The following DECR1 variants were observed in gnomAD, a reference collection of about 807,000 sequenced individuals.
The protein encoded by DECR1 is 2,4-dienoyl-CoA reductase [(3E)-enoyl-CoA-producing], mitochondrial.
In DECR1, 44 loss-of-function variants were observed where a neutral mutation model predicts 38.8. The ratio of observed to expected loss-of-function variants is 1.13; its 90% CI spans 0.89 to 1.46. The LOEUF is 1.46. Among genes scored for constraint, DECR1 ranks in the 40% most tolerant of loss-of-function variants. The pLI, the probability that DECR1 is intolerant of heterozygous loss-of-function variation, is 0.00. For synonymous variants in DECR1, 148 were observed against 135.2 expected, an observed-to-expected ratio of 1.09 and a Z score of -0.66; for missense variants, 428 against 405.5, an observed-to-expected ratio of 1.06 and a Z score of -0.48.
At chr8:90,043,032 G>A (rs983930406) in intron 7 of DECR1, among the ~76,000 whole-genome samples, 7 of 152,014 alleles carry the variant, frequency 4.6e-5, no homozygotes, top group Non-Finnish European at 7.4e-5. Flanking sequence ...TGTCTTAATC[G>A]TTTGGGATCT....
In DECR1 at chr8:90,017,325, C is replaced by T. The variant is rs368779502; in HGVS notation, c.271C>T (p.Arg91Trp). 9 of 1,613,172 alleles carry T rather than the reference C, an allele frequency of 5.6e-6. No homozygotes were observed. Among genetic ancestry groups the T allele is most frequent in the East Asian group, 2.2e-5 (1 of 44,876 alleles). The change falls in exon 2 of 10, where the codon CGG becomes TGG. Residue 91 changes from arginine (R) to tryptophan (W), a missense_variant and splice_region_variant. Coordinates refer to ENST00000220764, the MANE Select transcript of DECR1 (RefSeq NM_001359.2). ...AGGTGCTCAGTGCGTGATAGCCAGC[C>T]GGTAAGTCCCTTACATCAAGCCTAT... is the stretch of plus-strand genomic sequence containing the variant. ...SLGAQCVIAS[R>W]KMDVLKATAE...
At chr8:90,046,449 G>A (rs1042698095) in intron 8 of DECR1, among the ~76,000 whole-genome samples, 2 of 152,186 alleles carry the variant, frequency 1.3e-5, no homozygotes, top group African/African-American at 4.8e-5. Flanking sequence ...AGTGATTGAA[G>A]ATCAAATGAA....
At chr8:90,035,148 C>G (rs1416946109) in intron 5 of DECR1, among the ~76,000 whole-genome samples, 1 of 152,024 alleles carries the variant, frequency 6.6e-6, no homozygotes, top group Non-Finnish European at 1.5e-5. Context: ...AATTAGGATT[C>G]TATATATCAT....
chr8:90,014,024 G>A (rs1184845375), intron 1 of DECR1, among the ~76,000 whole-genome samples: 2 of 152,062 alleles, frequency 1.3e-5, no homozygotes, highest in African/African-American at 2.4e-5. Flanking sequence ...TTTTGAGGGA[G>A]AGATTTAGAG....
At chr8:90,045,167 A>T in intron 8 of DECR1, 172 bp downstream of exon 8, 1 of 454,202 alleles carries the variant, frequency 2.2e-6, no homozygotes, top group South Asian at 3.1e-5. Context: ...ACATTTATTC[A>T]GTGATGTATT....
intron 5 of DECR1, among the ~76,000 whole-genome samples, chr8:90,035,582 T>G (rs531718180): frequency 6.6e-6 from 1 of 152,238 alleles, no homozygotes; most frequent in South Asian, 2.1e-4. Context: ...AGTGAAATCT[T>G]TTAAAATATT....
intron 5 of DECR1, among the ~76,000 whole-genome samples, chr8:90,031,428 G>T (rs1313424805): frequency 6.6e-6 from 1 of 152,144 alleles, no homozygotes; most frequent in Non-Finnish European, 1.5e-5. Context: ...AGAAAAACCA[G>T]AGCCCTGATA....
intron 1 of DECR1, chr8:90,006,243 G>GA (rs760534450): frequency 1.6e-5 from 11 of 704,024 alleles, no homozygotes; most frequent in Non-Finnish European, 2.9e-5. Flanking sequence ...GAGATGTCAG[G>GA]ACTGGGGAAG....
chr8:90,051,022 C>G (rs11778638), intron 8 of DECR1, among the ~76,000 whole-genome samples: 43,734 of 151,720 alleles, frequency 0.29, 6,361 homozygotes, highest in East Asian at 0.39. Context: ...GGGGGCCCGT[C>G]GTGGGGTGGG....
At chr8:90,018,133 C>A (rs112158972) in intron 2 of DECR1, among the ~76,000 whole-genome samples, 1 of 152,242 alleles carries the variant, frequency 6.6e-6, no homozygotes, top group African/African-American at 2.4e-5. Context: ...GGTGATCCAC[C>A]CGCCTTGGCC....
At chr8:90,011,463 A>G (rs747928316) in intron 1 of DECR1, among the ~76,000 whole-genome samples, 2 of 152,126 alleles carry the variant, frequency 1.3e-5, no homozygotes, top group Non-Finnish European at 2.9e-5. Flanking sequence ...CAATTTTAGG[A>G]TAAGCTTGTC....
rs1813630152 is a variant in DECR1, at chr8:90,036,896, A to G, written c.621A>G (p.Val207=). Residue 207 remains valine (V), a synonymous_variant, in exon 6 of 10, where the codon GTA becomes GTG. Transcript: ENST00000220764. The part of the protein sequence containing the change: ...TIYAETGSGF[V]VPSASAKAGV... ...ATGCTGAGACTGGTTCAGGTTTTGT[A>G]GTACCAAGTGCTTCTGCCAAAGCAG... The G allele has an allele frequency of 6.2e-7, 1 of 1,613,400 alleles. No homozygotes were observed. The highest frequency in any genetic ancestry group is 1.7e-5 in the Admixed American group (1 of 59,882).
At chr8:90,015,525 C>T in intron 1 of DECR1, 32 of 370,224 alleles carry the variant, frequency 8.6e-5, no homozygotes, top group East Asian at 1.6e-4. Context: ...TAAACATTTT[C>T]TTGTGCAATT....
intron 5 of DECR1, among the ~76,000 whole-genome samples, chr8:90,023,749 G>C (rs1813225253): frequency 6.6e-6 from 1 of 151,878 alleles, no homozygotes; most frequent in South Asian, 2.1e-4. Flanking sequence ...TTAAGTTCTA[G>C]GGTACATGTG....
At chr8:90,015,619 C>T (rs918274487) in intron 1 of DECR1, 11 of 456,552 alleles carry the variant, frequency 2.4e-5, no homozygotes, top group Non-Finnish European at 4.9e-5. Flanking sequence ...TATCCTGAAC[C>T]AACTGATGAC....
At chr8:90,010,708 A>G (rs533883922) in intron 1 of DECR1, among the ~76,000 whole-genome samples, 17 of 152,298 alleles carry the variant, frequency 1.1e-4, no homozygotes, top group Admixed American at 4.6e-4. Context: ...TATTGATTCA[A>G]CCTGAACCAA....
chr8:90,024,071 T>C (rs865832066), intron 5 of DECR1, among the ~76,000 whole-genome samples: 2 of 152,242 alleles, frequency 1.3e-5, no homozygotes, highest in Non-Finnish European at 1.5e-5. Flanking sequence ...GGCTGCATAG[T>C]ATTCCATGGT....
chr8:90,036,219 C>A (rs753512756), intron 5 of DECR1, among the ~76,000 whole-genome samples: 1 of 152,104 alleles, frequency 6.6e-6, no homozygotes, highest in African/African-American at 2.4e-5. Flanking sequence ...CTCCCCAAAC[C>A]GATCTCTATC....
At chr8:90,042,543 GAGAAA>G (rs1813787440) in intron 6 of DECR1, 180 bp from the exon 7 acceptor site, 2 of 594,758 alleles carry the variant, frequency 3.4e-6, no homozygotes, top group South Asian at 4.0e-5. Flanking sequence ...ATATGACATA[GAGAAA>G]ATGATTTAAC....
Sources: gnomAD v4.1 joint callset for allele counts (sites outside exome capture counted in the v4.1 genomes callset) on GRCh38, gnomAD v4.1.1 for gene constraint, MANE v1.5 for transcripts, NCBI Gene and HGNC (gene_info 2026-07-23, HGNC 2026-07-21) for gene names.